USP8: variants seen among roughly 807,000 people sequenced by gnomAD.
USP8 encodes the protein ubiquitin specific peptidase 8.
In USP8, 27 loss-of-function variants were observed where a neutral mutation model predicts 130.0. That is an observed-to-expected ratio of 0.21 (90% CI 0.15 to 0.29). The LOEUF (loss-of-function observed/expected upper bound fraction) is 0.29, where lower values mean the gene tolerates loss of function less well. Ranked by LOEUF, USP8 falls within the 10% of genes least tolerant of loss-of-function variation. The pLI, the probability that USP8 is intolerant of heterozygous loss-of-function variation, is 1.00. For missense variants in USP8, 1,029 were observed against 1,312.2 expected (o/e 0.78, Z 3.33); for synonymous variants, 392 against 444.1 (o/e 0.88, Z 1.48).
intron 7 of USP8, among the ~76,000 whole-genome samples, chr15:50,467,746 G>A (rs1208817632): frequency 1.3e-5 from 2 of 151,490 alleles, no homozygotes; most frequent in African/African-American, 2.4e-5. Context: ...TTGTAGAGAC[G>A]GGGTTTTGCC....
rs1362194239 is a variant in USP8 at position 50,503,453 on chromosome 15, C to G, written c.*4365C>G. 1 of 152,212 alleles carries G rather than the reference C, an allele frequency of 6.6e-6. No individual in the cohort carries two copies. Among genetic ancestry groups the G allele is most frequent in the African/African-American group, 2.4e-5 (1 of 41,438 alleles). The allele number at this position is 152,212 out of a possible 1,614,324, so 9.4% of individuals were successfully genotyped here. A position where few individuals can be genotyped will look rare whatever the true frequency, so the allele number is the denominator to read the frequency against. On this transcript the variant is annotated 3_prime_UTR_variant, in exon 20 of 20. Coordinates refer to ENST00000307179, the MANE Select transcript of USP8 (RefSeq NM_005154.5). Reference sequence around the variant, plus strand: ...GTTTTAAAGGTCACGCAAGGACACTCGAGGTAAAGTCTTAGGCCCCCCTAC... The same window carrying G: ...GTTTTAAAGGTCACGCAAGGACACTGGAGGTAAAGTCTTAGGCCCCCCTAC...
chr15:50,491,492 G>C (rs953792191), intron 14 of USP8, among the ~76,000 whole-genome samples: 12 of 152,124 alleles, frequency 7.9e-5, no homozygotes, highest in Admixed American at 3.3e-4. Flanking sequence ...ATTTGATAAT[G>C]TTTTAAGGAC....
At position 50,461,689 on chromosome 15, in the gene USP8, C is replaced by A. The variant is rs192625318; in HGVS notation, c.499-591C>A. 2.2e-3 allele frequency among the ~76,000 whole-genome samples: 332 copies of A among 151,960 alleles called. 3 individuals are homozygous for A. The highest frequency in any genetic ancestry group is 7.8e-3 in the African/African-American group (325 of 41,462). ...CCAACATAGCAAAACCCCATCTCTA[C>A]TAAAAATACAAAAATTAGCTGGGCG... On this transcript the variant is annotated intron_variant, in intron 5 of 19. Transcript: ENST00000307179.
rs773356883 is a variant in USP8, at chr15:50,499,102, A to G, written c.*14A>G. 2 of 1,572,368 alleles carry G rather than the reference A, an allele frequency of 1.3e-6. No individual in the cohort carries two copies. The highest frequency in any genetic ancestry group is 1.2e-5 in the South Asian group (1 of 85,656). On this transcript the variant is annotated 3_prime_UTR_variant, in exon 20 of 20. Coordinates refer to ENST00000307179, the MANE Select transcript of USP8 (RefSeq NM_005154.5). ...GTAGCCACATAAGGAGACATAGGTT[A>G]TAAACTAGTTATCTTTTAAAAGGCT...
chr15:50,462,263 T>G lies in USP8; in HGVS notation c.499-17T>G, dbSNP rs1279091123. The stretch of plus-strand genomic sequence containing the variant: ...TGTCTATGAAAGTTGAAACTTTTTT[T>G]TTTTCCTATGCAATAGAGCAATGGT... On this transcript the variant is annotated splice_polypyrimidine_tract_variant and intron_variant, in intron 5 of 19. Coordinates refer to ENST00000307179, the MANE Select transcript of USP8 (RefSeq NM_005154.5). 2 of 1,592,582 alleles carry G rather than the reference T, an allele frequency of 1.3e-6. No homozygotes were observed. Among genetic ancestry groups the G allele is most frequent in the Non-Finnish European group, 1.7e-6 (2 of 1,174,010 alleles).
chr15:50,452,121 A>G (rs2050647552), intron 4 of USP8, among the ~76,000 whole-genome samples: 1 of 152,228 alleles, frequency 6.6e-6, no homozygotes, highest in Non-Finnish European at 1.5e-5. Context: ...GTGGCTAGAA[A>G]ATAGATTTCA....
At chr15:50,493,725 G>A (rs1348904551) in intron 15 of USP8, 1 of 381,978 alleles carries the variant, frequency 2.6e-6, no homozygotes, top group African/African-American at 2.1e-5. Flanking sequence ...ACCAGCCTGG[G>A]TGACAGAATG....
intron 2 of USP8, among the ~76,000 whole-genome samples, chr15:50,440,730 C>T (rs562770488): frequency 9.9e-5 from 15 of 152,124 alleles, no homozygotes; most frequent in East Asian, 1.9e-4. Flanking sequence ...TGGCTAGGCG[C>T]GGTGGCTCAT....
intron 7 of USP8, among the ~76,000 whole-genome samples, chr15:50,469,052 A>G (rs1324728181): frequency 6.6e-6 from 1 of 152,056 alleles, no homozygotes; most frequent in Non-Finnish European, 1.5e-5. Flanking sequence ...GTAGTCTTTT[A>G]TATCTGTCTT....
chr15:50,428,931 T>A (rs925362575), intron 1 of USP8, among the ~76,000 whole-genome samples: 1 of 152,244 alleles, frequency 6.6e-6, no homozygotes, highest in African/African-American at 2.4e-5. Context: ...ACTGTAATAC[T>A]GCTATAGTCA....
At chr15:50,434,781 G>A (rs555060083) in intron 1 of USP8, among the ~76,000 whole-genome samples, 4 of 151,808 alleles carry the variant, frequency 2.6e-5, no homozygotes, top group African/African-American at 9.7e-5. Flanking sequence ...CACCACGCCT[G>A]GCTAATTTTT....
rs532795997 is a variant in USP8, at chr15:50,508,730, G to C, written c.*9642G>C. On this transcript the variant is annotated 3_prime_UTR_variant, in exon 20 of 20. Transcript: ENST00000307179. ...ATTTGGATGTTAGCCTGCCACAGTG[G>C]TTCATGCCTATAATCCCTGCACTTT... 1.1e-4 allele frequency: 17 copies of C among 152,230 alleles called. No homozygotes were observed. Among genetic ancestry groups the C allele is most frequent in the African/African-American group, 3.9e-4 (16 of 41,544 alleles). The allele number at this position is 152,230 out of a possible 1,614,324, so 9.4% of individuals were successfully genotyped here. A position where few individuals can be genotyped will look rare whatever the true frequency, so the allele number is the denominator to read the frequency against.
At chr15:50,474,399 G>A (rs751204636) in intron 8 of USP8, among the ~76,000 whole-genome samples, 7 of 152,116 alleles carry the variant, frequency 4.6e-5, no homozygotes, top group Non-Finnish European at 1.0e-4. Flanking sequence ...GCTGATTGCC[G>A]TTGAGAAAGT....
At chr15:50,425,564 CTT>C (rs573065609) in intron 1 of USP8, among the ~76,000 whole-genome samples, 177 of 152,128 alleles carry the variant, frequency 1.2e-3, no homozygotes, top group African/African-American at 3.9e-3. Flanking sequence ...TGTGTTATGT[CTT>C]TATCATGTTG....
chr15:50,499,023 T>C lies in USP8; in HGVS notation c.3292T>C (p.Ser1098Pro). ...TGATATCTCCGTTTCTTCTGTGAAA[T>C]CTTCAGCAGCTTATATCCTCTTTTA... ...VSDISVSSVK[S>P]SAAYILFYTS... The change falls in exon 20 of 20, where the codon TCT becomes CCT. Residue 1098 changes from serine (S) to proline (P), a missense_variant. Transcript: ENST00000307179. 6.2e-7 allele frequency: 1 copy of C among 1,613,956 alleles called. No homozygotes were observed. The highest frequency in any genetic ancestry group is 8.5e-7 in the Non-Finnish European group (1 of 1,179,888).
intron 4 of USP8, among the ~76,000 whole-genome samples, chr15:50,456,651 C>T (rs28538864): frequency 0.061 from 9,293 of 152,058 alleles, 368 homozygotes; most frequent in African/African-American, 0.11. Flanking sequence ...TTTGGGAGGC[C>T]GACGAGGGTG....
intron 7 of USP8, among the ~76,000 whole-genome samples, chr15:50,470,968 C>T (rs2051358048): frequency 1.3e-5 from 2 of 152,166 alleles, no homozygotes; most frequent in South Asian, 2.1e-4. Context: ...GTGTTATTCA[C>T]AGTTGACGGT....
In USP8 at chr15:50,481,969, A is replaced by C. The variant is rs747707912; in HGVS notation, c.1707A>C (p.Glu569Asp). 12 of 1,603,916 alleles carry C rather than the reference A, an allele frequency of 7.5e-6. No homozygotes were observed. The highest frequency in any genetic ancestry group is 1.0e-5 in the Non-Finnish European group (12 of 1,177,478). ...HETSDAKKSV[E>D]DRGKRCPTPE... Reference sequence around the variant, plus strand: ...CTTCTGATGCCAAGAAATCTGTAGAAGATAGGGGGAAAAGGTGTCCAACCC... The same window carrying C: ...CTTCTGATGCCAAGAAATCTGTAGACGATAGGGGGAAAAGGTGTCCAACCC... The change falls in exon 11 of 20, where the codon GAA (glutamate) becomes GAC (aspartate). Residue 569 changes from glutamate (E) to aspartate (D), a missense_variant. Around this residue, in one of 4 missense-constraint regions of USP8, gnomAD observed 486 missense variants for 522.0 expected, o/e 0.93. Transcript: ENST00000307179.
At chr15:50,439,442 C>T (rs1380310836) in intron 2 of USP8, among the ~76,000 whole-genome samples, 1 of 151,856 alleles carries the variant, frequency 6.6e-6, no homozygotes, top group Non-Finnish European at 1.5e-5. Flanking sequence ...TATGAGGCTT[C>T]TAAAAAAAAA....
Sources: allele counts gnomAD v4.1 joint callset (sites outside exome capture counted in the v4.1 genomes callset), GRCh38; gene constraint gnomAD v4.1.1; regional missense constraint gnomAD v4.1.1; transcripts MANE v1.5; gene names NCBI Gene and HGNC (gene_info 2026-07-23, HGNC 2026-07-21).